The following DYNC2I1 variants were observed in gnomAD, a reference collection of about 807,000 sequenced individuals.
The protein encoded by DYNC2I1 is dynein 2 intermediate chain 1, also known as cytoplasmic dynein 2 intermediate chain 1.
A neutral mutation model predicts 133.4 loss-of-function variants in DYNC2I1; 89 were observed. The ratio of observed to expected loss-of-function variants is 0.67; its 90% CI spans 0.56 to 0.80. The LOEUF is 0.80. Among genes scored for constraint, DYNC2I1 ranks in the 30% least tolerant of loss-of-function variants. DYNC2I1 has a pLI of 0.00. For missense variants in DYNC2I1, 1,291 were observed against 1,314.5 expected (o/e 0.98, Z 0.28); for synonymous variants, 504 against 484.3 (o/e 1.04, Z -0.54).
intron 4 of DYNC2I1, among the ~76,000 whole-genome samples, chr7:158,878,550 TGTGA>T (rs368850184): frequency 1.6e-5 from 2 of 123,282 alleles, no homozygotes; most frequent in African/African-American, 3.1e-5. Context: ...GAGGGCCGAC[TGTGA>T]GTGTCGGGCG....
intron 1 of DYNC2I1, among the ~76,000 whole-genome samples, chr7:158,867,368 C>T (rs1477853481): frequency 6.6e-6 from 1 of 152,158 alleles, no homozygotes; most frequent in Non-Finnish European, 1.5e-5. Flanking sequence ...CCTGCGTGTT[C>T]TGCACTGAGG....
the DYNC2I1 span, among the ~76,000 whole-genome samples, chr7:158,851,449 G>A: frequency 7.0e-6 from 1 of 142,544 alleles, no homozygotes; most frequent in African/African-American, 2.8e-5. Context: ...TTGAACCTAG[G>A]AGGCGGAGGT....
At chr7:158,869,338 C>A in intron 1 of DYNC2I1, 1 of 410,872 alleles carries the variant, frequency 2.4e-6, no homozygotes, top group East Asian at 7.7e-5. Context: ...AGGGCTGCTT[C>A]TCTTCCTCAC....
chr7:158,869,802 A>C (rs1372179399), intron 1 of DYNC2I1, 53 bp from the exon 2 acceptor site: 3 of 1,467,750 alleles, frequency 2.0e-6, no homozygotes, highest in Non-Finnish European at 2.8e-6. Flanking sequence ...AGCTCACTAC[A>C]ACACTGAAAA....
At chr7:158,850,878 T>TGC in the DYNC2I1 span, among the ~76,000 whole-genome samples, 1 of 152,080 alleles carries the variant, frequency 6.6e-6, no homozygotes, top group African/African-American at 2.4e-5. Flanking sequence ...AGGGAACCTC[T>TGC]TTTTCCCCAG....
chr7:158,947,718 T>C (rs1245022159), downstream of DYNC2I1, among the ~76,000 whole-genome samples: 1 of 152,114 alleles, frequency 6.6e-6, no homozygotes, highest in Non-Finnish European at 1.5e-5. Flanking sequence ...GGGGGCTCAC[T>C]CCCCCCTCTG....
chr7:158,923,104 T>C (rs1585184659), intron 16 of DYNC2I1, among the ~76,000 whole-genome samples: 1 of 152,172 alleles, frequency 6.6e-6, no homozygotes, highest in Non-Finnish European at 1.5e-5. Flanking sequence ...GCCTCTCTTA[T>C]GTTTGGGAAA....
At chr7:158,876,050 G>A (rs530350930) in intron 3 of DYNC2I1, among the ~76,000 whole-genome samples, 10 of 152,304 alleles carry the variant, frequency 6.6e-5, no homozygotes, top group African/African-American at 2.4e-4. Flanking sequence ...AGAAACACCT[G>A]GGGCTGGAGA....
chr7:158,893,916 A>G (rs567702864), intron 8 of DYNC2I1, among the ~76,000 whole-genome samples: 9 of 152,024 alleles, frequency 5.9e-5, no homozygotes, highest in African/African-American at 1.9e-4. Flanking sequence ...ACCGCATATT[A>G]TACCATCTAT....
In DYNC2I1 at chr7:158,945,965, CA is replaced by C. The variant is rs1472042033; in HGVS notation, c.*189del. The C allele has an allele frequency of 3.5e-6, 2 of 574,614 alleles. No homozygotes were observed. The highest frequency in any genetic ancestry group is 5.3e-6 in the Non-Finnish European group (2 of 377,698). 35.6% of individuals were successfully genotyped at this position (574,614 alleles called of 1,614,324 possible). A position where few individuals can be genotyped will look rare whatever the true frequency, so the allele number is the denominator to read the frequency against. ...ATAGATGACTACTTTTGAGTGGAAACAAAGAACATTCTAGCATTTACAAAAC... is the reference window on the plus strand; with the variant it reads ...ATAGATGACTACTTTTGAGTGGAAACAAGAACATTCTAGCATTTACAAAAC... On this transcript the variant is annotated 3_prime_UTR_variant, in exon 25 of 25. Transcript: ENST00000407559. The surrounding 1 kb of genome is among the most constrained non-coding windows in gnomAD (Gnocchi z 4.1).
At chr7:158,909,820 G>C (rs779235707) in intron 11 of DYNC2I1, among the ~76,000 whole-genome samples, 5 of 152,148 alleles carry the variant, frequency 3.3e-5, no homozygotes, top group Non-Finnish European at 5.9e-5. Context: ...GCACAGGGTC[G>C]AGGGGATGAA....
intron 4 of DYNC2I1, among the ~76,000 whole-genome samples, chr7:158,954,249 C>T (rs1852140781): frequency 6.6e-6 from 1 of 152,166 alleles, no homozygotes; most frequent in Non-Finnish European, 1.5e-5. Flanking sequence ...TGAATTACCC[C>T]GTCTCCAGTA....
Position 158,945,682 on chromosome 7 carries a change from T to C in DYNC2I1, c.3104T>C (p.Leu1035Pro). 2 of 1,612,606 alleles carry C rather than the reference T, an allele frequency of 1.2e-6. No individual in the cohort carries two copies. The highest frequency in any genetic ancestry group is 1.7e-6 in the Non-Finnish European group (2 of 1,179,392). The change falls in exon 25 of 25, where the codon CTG (leucine) becomes CCG (proline). Residue 1035 changes from leucine (L) to proline (P), a missense_variant. Physicochemically the swap from Leu to Pro is moderately conservative, Grantham distance 98. Transcript: ENST00000407559. This position sits in a 1 kb window ranked among gnomAD's most constrained non-coding sequence, Gnocchi z 4.1. The stretch of plus-strand genomic sequence containing the variant: ...TCTGGCTCCATCGACATCCAGCACC[T>C]GAAGAGGCGGTGGGCGGCCCCGGAG... The part of the protein sequence containing the change: ...RASGSIDIQH[L>P]KRRWAAPEVD...
intron 21 of DYNC2I1, among the ~76,000 whole-genome samples, 199 bp from the exon 22 acceptor site, chr7:158,933,930 G>A (rs1013756915): frequency 2.6e-5 from 4 of 152,186 alleles, no homozygotes; most frequent in Non-Finnish European, 5.9e-5. Flanking sequence ...AAGAATTAGG[G>A]AACAGAAGGA....
intron 17 of DYNC2I1, 121 bp downstream of exon 17, chr7:158,923,854 C>A: frequency 3.1e-6 from 4 of 1,300,048 alleles, no homozygotes; most frequent in Non-Finnish European, 3.1e-6. Flanking sequence ...GGGGTCTGAC[C>A]CATGGGCAAA....
At chr7:158,923,359 G>A (rs375101200) in intron 16 of DYNC2I1, among the ~76,000 whole-genome samples, 2 of 152,076 alleles carry the variant, frequency 1.3e-5, no homozygotes, top group East Asian at 3.9e-4. Context: ...ACAAGCCTAC[G>A]GGGTGGGTTT....
rs1331650479 is a variant in DYNC2I1 at position 158,918,857 on chromosome 7, C to A, written c.1909C>A (p.Pro637Thr). Residue 637 changes from proline to threonine, a missense_variant, in exon 15 of 25, where the codon CCA becomes ACA. Coordinates refer to ENST00000407559, the MANE Select transcript of DYNC2I1 (RefSeq NM_018051.5). ...DSSSQLNTSLPFLQNRKVSSL... is the reference protein window; with the variant it reads ...DSSSQLNTSLTFLQNRKVSSL... ...CTCATCTCAGCTGAACACCAGTCTA[C>A]CATTCCTTCAAAGTAAGAGGCTGTT... The A allele has an allele frequency of 6.2e-7, 1 of 1,612,830 alleles. No homozygotes were observed. The highest frequency in any genetic ancestry group is 8.5e-7 in the Non-Finnish European group (1 of 1,179,172).
chr7:158,858,738 A>C (rs961205416), intron 1 of DYNC2I1, among the ~76,000 whole-genome samples: 4 of 151,302 alleles, frequency 2.6e-5, no homozygotes, highest in Admixed American at 1.3e-4. Flanking sequence ...GGTTAGGCCT[A>C]CTGTTTCTTG....
At chr7:158,956,734 C>G (rs1852208176) in exon 5 of DYNC2I1, 1 of 152,420 alleles carries the variant, frequency 6.6e-6, no homozygotes, top group African/African-American at 2.4e-5. Flanking sequence ...ACTATACGTG[C>G]CCTGCTTACC....
Sources: allele counts gnomAD v4.1 joint callset (sites outside exome capture counted in the v4.1 genomes callset), GRCh38; gene constraint gnomAD v4.1.1; non-coding constraint Gnocchi (gnomAD v3.1); transcripts MANE v1.5; gene names NCBI Gene and HGNC (gene_info 2026-07-23, HGNC 2026-07-21).